Variants in BPHL observed in about 807,000 individuals in gnomAD.
BPHL encodes the protein biphenyl hydrolase like.
BPHL carries 27 observed loss-of-function variants against 31.2 expected under a neutral mutation model. The observed-to-expected ratio is 0.87, with a 90% CI of 0.64 to 1.19. The LOEUF (loss-of-function observed/expected upper bound fraction) is 1.19. Among genes scored for constraint, BPHL ranks in the 50% most tolerant of loss-of-function variants. The pLI, the probability that BPHL is intolerant of heterozygous loss-of-function variation, is 0.00. For missense variants in BPHL, 356 were observed against 375.7 expected (o/e 0.95, Z 0.43); for synonymous variants, 150 against 146.8 (o/e 1.02, Z -0.16).
At chr6:3,118,501 G>A (rs964651354), upstream of BPHL, 6 of 362,614 alleles carry the variant, frequency 1.7e-5, no homozygotes, top group Non-Finnish European at 2.9e-5. Context: ...CCAGCACCGA[G>A]AGGGGACGGT....
In BPHL at chr6:3,152,656, T is replaced by G; in HGVS notation, c.*81T>G. 7.8e-7 allele frequency: 1 copy of G among 1,288,050 alleles called. No homozygotes were observed. Among genetic ancestry groups the G allele is most frequent in the Non-Finnish European group, 1.1e-6 (1 of 911,192 alleles). 79.8% of individuals were successfully genotyped at this position (1,288,050 alleles called of 1,614,324 possible). Reference sequence around the variant, plus strand: ...CCTGTTAACATGATGCCTTTGAAACTCTCCGCCTTTGAAACTTTCTACCCC... The same window carrying G: ...CCTGTTAACATGATGCCTTTGAAACGCTCCGCCTTTGAAACTTTCTACCCC... On this transcript the variant is annotated 3_prime_UTR_variant, in exon 7 of 7. Coordinates refer to ENST00000380379, the MANE Select transcript of BPHL (RefSeq NM_004332.4).
chr6:3,140,279 T>A lies in BPHL; in HGVS notation c.665-107T>A. Reference sequence around the variant, plus strand: ...AAATCCAAAACACAGTTTTTACGGATAGGGAAACTGAGGGCCAAGGAGGGG... The same window carrying A: ...AAATCCAAAACACAGTTTTTACGGAAAGGGAAACTGAGGGCCAAGGAGGGG... On this transcript the variant is annotated intron_variant, in intron 5 of 6. Transcript: ENST00000380379. The surrounding 1 kb of genome is among the most constrained non-coding windows in gnomAD (Gnocchi z 5.2). 7.0e-7 allele frequency: 1 copy of A among 1,418,876 alleles called. No individual in the cohort carries two copies. The highest frequency in any genetic ancestry group is 9.6e-7 in the Non-Finnish European group (1 of 1,037,528). The allele number at this position is 1,418,876 out of a possible 1,614,324, so 87.9% of individuals were successfully genotyped here.
At chr6:3,147,974 T>C (rs1277996201) in intron 6 of BPHL, among the ~76,000 whole-genome samples, 1 of 152,234 alleles carries the variant, frequency 6.6e-6, no homozygotes, top group Non-Finnish European at 1.5e-5. Context: ...TTTTAGCAGA[T>C]TGGACAAGAC....
At chr6:3,127,153 C>T in intron 2 of BPHL, 89 bp from the exon 3 acceptor site, 1 of 933,142 alleles carries the variant, frequency 1.1e-6, no homozygotes, top group Middle Eastern at 2.4e-4. Context: ...AACTACTTTG[C>T]TTTTAAGATT....
intron 4 of BPHL, among the ~76,000 whole-genome samples, chr6:3,130,219 G>A (rs954619125): frequency 1.3e-5 from 2 of 152,220 alleles, no homozygotes; most frequent in African/African-American, 4.8e-5. Flanking sequence ...GGCTAGTGCT[G>A]TGAGTCACAG....
At chr6:3,127,188 A>G in intron 2 of BPHL, 54 bp from the exon 3 acceptor site, 1 of 1,222,256 alleles carries the variant, frequency 8.2e-7, no homozygotes, top group Non-Finnish European at 1.1e-6. Flanking sequence ...TTTCACTGTA[A>G]TGTGTTTGAT....
At chr6:3,135,541 A>G (rs916846371) in intron 4 of BPHL, among the ~76,000 whole-genome samples, 1 of 152,090 alleles carries the variant, frequency 6.6e-6, no homozygotes, top group Non-Finnish European at 1.5e-5. Flanking sequence ...GGATTCTTTG[A>G]TTCATTCTGA....
rs1257832148 is a variant in BPHL, at chr6:3,153,052, A to T, written c.*477A>T. 1 of 152,286 alleles carries T rather than the reference A, an allele frequency of 6.6e-6. No homozygotes were observed. The highest frequency in any genetic ancestry group is 2.1e-4 in the South Asian group (1 of 4,814). 9.4% of individuals were successfully genotyped at this position (152,286 alleles called of 1,614,324 possible). A position where few individuals can be genotyped will look rare whatever the true frequency, so the allele number is the denominator to read the frequency against. ...TTAAAAAAAAATAAAAACATAAAAA[A>T]AAATAAAAAAGGAATAAAGCCTCTA... On this transcript the variant is annotated 3_prime_UTR_variant, in exon 7 of 7. Transcript: ENST00000380379.
chr6:3,122,590 A>G (rs1761606329), intron 1 of BPHL, among the ~76,000 whole-genome samples: 2 of 152,202 alleles, frequency 1.3e-5, no homozygotes, highest in Non-Finnish European at 2.9e-5. Flanking sequence ...CAGCACAGAC[A>G]CTGGCATTAT....
chr6:3,120,191 T>A (rs1761527295), intron 1 of BPHL, among the ~76,000 whole-genome samples: 1 of 152,086 alleles, frequency 6.6e-6, no homozygotes, highest in Non-Finnish European at 1.5e-5. Context: ...CCTGCCACCA[T>A]GCCCGGCTAA....
At chr6:3,124,037 A>G in intron 2 of BPHL, 1 of 235,720 alleles carries the variant, frequency 4.2e-6, no homozygotes, top group Non-Finnish European at 8.4e-6. Context: ...ACAGGGGTCA[A>G]GGAAAGGGGT....
chr6:3,140,586 C>A lies in BPHL; in HGVS notation c.788+77C>A. The A allele has an allele frequency of 6.3e-7, 1 of 1,588,966 alleles. No homozygotes were observed. The highest frequency in any genetic ancestry group is 8.6e-7 in the Non-Finnish European group (1 of 1,169,242). On this transcript the variant is annotated intron_variant, in intron 6 of 6. Transcript: ENST00000380379. This position sits in a 1 kb window ranked among gnomAD's most constrained non-coding sequence, Gnocchi z 5.2. Reference sequence around the variant, plus strand: ...GGCAAAGCTACTGGAAGGAAAATAACCAAGAGGAGTTGGAGTTTTAGAGTG... The same window carrying A: ...GGCAAAGCTACTGGAAGGAAAATAAACAAGAGGAGTTGGAGTTTTAGAGTG...
chr6:3,123,237 G>T lies in BPHL; in HGVS notation c.108-420G>T, dbSNP rs145918941. 2.7e-3 allele frequency among the ~76,000 whole-genome samples: 415 copies of T among 152,374 alleles called. 3 individuals are homozygous for T. The highest frequency in any genetic ancestry group is 9.3e-3 in the African/African-American group (386 of 41,594). ...TCGAAATAACCCAAGGAGACTGAGA[G>T]GCGTTCTGGAGGCGACTCATTCATA... On this transcript the variant is annotated intron_variant, in intron 1 of 6. Transcript: ENST00000380379.
Position 3,137,485 on chromosome 6 carries a change from T to C in BPHL, c.656T>C (p.Leu219Pro). 6.2e-7 allele frequency: 1 copy of C among 1,613,748 alleles called. No individual in the cohort carries two copies. The highest frequency in any genetic ancestry group is 1.6e-4 in the Middle Eastern group (1 of 6,062). ...WVDGIRQFKH[L>P]PDGNICRHLL... The stretch of plus-strand genomic sequence containing the variant: ...GATGGCATAAGACAGTTTAAACATC[T>C]CCCAGATGGTAGGTTACTGGGCTTG... Residue 219 changes from leucine (L) to proline (P), a missense_variant, in exon 5 of 7, where the codon CTC becomes CCC. Leu to Pro is a moderately conservative substitution (Grantham distance 98). Coordinates refer to ENST00000380379, the MANE Select transcript of BPHL (RefSeq NM_004332.4).
upstream of BPHL, chr6:3,118,388 G>A (rs1761445396): frequency 4.8e-6 from 1 of 209,554 alleles, no homozygotes; most frequent in South Asian, 1.9e-4. Context: ...CGCAGCGAGG[G>A]CGCTATGGCT....
chr6:3,137,761 G>T (rs1010249994), intron 5 of BPHL, among the ~76,000 whole-genome samples: 3 of 152,110 alleles, frequency 2.0e-5, no homozygotes, highest in Non-Finnish European at 4.4e-5. Flanking sequence ...TCTAATCCTT[G>T]GTGTGTGTGC....
Position 3,152,422 on chromosome 6 carries a change from G to A in BPHL, c.789-66G>A, listed in dbSNP as rs548122092. 4.1e-5 allele frequency: 55 copies of A among 1,339,334 alleles called. No homozygotes were observed. In the Admixed American group the frequency reaches 4.4e-4, roughly 11 times the overall value. The allele number at this position is 1,339,334 out of a possible 1,614,324, so 83.0% of individuals were successfully genotyped here. A position where few individuals can be genotyped will look rare whatever the true frequency, so the allele number is the denominator to read the frequency against. On this transcript the variant is annotated intron_variant, in intron 6 of 6. Transcript: ENST00000380379. ...CTTTAGATGTTTGTGAAATGTTGGG[G>A]AGAGTGAGGGGTTTGTTCTTAAGTG...
At chr6:3,126,957 G>T in intron 2 of BPHL, 1 of 201,138 alleles carries the variant, frequency 5.0e-6, no homozygotes, top group Non-Finnish European at 9.2e-6. Flanking sequence ...TTTTAGTAGA[G>T]ATGGGGTTTC....
At chr6:3,123,803 T>C in intron 2 of BPHL, 43 bp downstream of exon 2, 1 of 1,503,876 alleles carries the variant, frequency 6.6e-7, no homozygotes, top group Non-Finnish European at 9.2e-7. Flanking sequence ...TGCTGTAAAA[T>C]CTATGATGCA....
Sources: gnomAD v4.1 joint callset for allele counts (sites outside exome capture counted in the v4.1 genomes callset) on GRCh38, gnomAD v4.1.1 for gene constraint, Gnocchi (gnomAD v3.1) non-coding constraint, MANE v1.5 for transcripts, NCBI Gene and HGNC (gene_info 2026-07-23, HGNC 2026-07-21) for gene names.